The following CACNB1 variants were observed in gnomAD, a reference collection of about 807,000 sequenced individuals.
CACNB1 encodes the protein voltage-dependent L-type calcium channel subunit beta-1.
Under a neutral mutation model 71.6 loss-of-function variants are expected in CACNB1, and 29 were observed. The ratio of observed to expected loss-of-function variants is 0.40; its 90% CI spans 0.30 to 0.55. The LOEUF is 0.55. CACNB1 is among the 20% of genes least tolerant of loss of function. The pLI is 0.38. For missense variants in CACNB1, 623 were observed against 801.8 expected, an observed-to-expected ratio of 0.78 and a Z score of 2.69; for synonymous variants, 300 against 319.6, an observed-to-expected ratio of 0.94 and a Z score of 0.65.
intron 8 of CACNB1, 46 bp downstream of exon 8, chr17:39,184,738 T>G (rs772221286): frequency 7.7e-7 from 1 of 1,300,202 alleles, no homozygotes; most frequent in South Asian, 1.2e-5. Context: ...GGTCTGAAGA[T>G]CTTTCTAAGG....
chr17:39,184,211 AG>A, intron 9 of CACNB1, 71 bp from the exon 10 acceptor site: 1 of 1,308,196 alleles, frequency 7.6e-7, no homozygotes, highest in South Asian at 1.2e-5. Context: ...CCCCAGTTCC[AG>A]GCCCGCCTTC....
intron 1 of CACNB1, among the ~76,000 whole-genome samples, chr17:39,196,979 C>T (rs1298885069): frequency 6.6e-6 from 1 of 152,110 alleles, no homozygotes; most frequent in Non-Finnish European, 1.5e-5. Flanking sequence ...CCTCGGCCAC[C>T]TCCTCGTGCC....
At chr17:39,177,289 G>A in intron 13 of CACNB1, 61 bp downstream of exon 13, 1 of 1,610,340 alleles carries the variant, frequency 6.2e-7, no homozygotes, top group Non-Finnish European at 8.5e-7. Context: ...CTGCCCCGCT[G>A]TGAGGACTCC....
Position 39,184,385 on chromosome 17 carries a change from TG to T in CACNB1, c.730-3del. ...AGCTTTCTGCATCATGTCTGTAACC[TG>T]GGGGTGGGGGTTTGTGGGGAGGGAG... is the stretch of plus-strand genomic sequence containing the variant. On this transcript the variant is annotated splice_region_variant and splice_polypyrimidine_tract_variant and intron_variant, in intron 8 of 13. Transcript: ENST00000394303. 3.6e-6 allele frequency: 2 copies of T among 561,790 alleles called. No homozygotes were observed. The highest frequency in any genetic ancestry group is 1.6e-5 in the South Asian group (1 of 64,246). The allele number at this position is 561,790 out of a possible 1,614,324, so 34.8% of individuals were successfully genotyped here.
intron 3 of CACNB1, among the ~76,000 whole-genome samples, chr17:39,187,955 G>A (rs2045981079): frequency 6.6e-6 from 1 of 152,088 alleles, no homozygotes; most frequent in Non-Finnish European, 1.5e-5. Flanking sequence ...GGAGGTTGCA[G>A]TGAGCCAAGA....
At chr17:39,179,253 C>T (rs2045678051) in intron 11 of CACNB1, among the ~76,000 whole-genome samples, 1 of 133,468 alleles carries the variant, frequency 7.5e-6, no homozygotes, top group Non-Finnish European at 1.5e-5. Context: ...TGCACTCCAG[C>T]TTGGACAACA....
intron 11 of CACNB1, among the ~76,000 whole-genome samples, chr17:39,182,042 T>C (rs148158884): frequency 9.0e-4 from 137 of 151,956 alleles, no homozygotes; most frequent in Middle Eastern, 3.4e-3. Flanking sequence ...GCACCTGTAG[T>C]CCCAGCTACT....
chr17:39,187,019 T>G (rs2045958235), intron 4 of CACNB1, 90 bp from the exon 5 acceptor site: 2 of 1,428,662 alleles, frequency 1.4e-6, no homozygotes, highest in East Asian at 4.7e-5. Context: ...ACGCCCAGAC[T>G]CACCTCCCAG....
In CACNB1 at chr17:39,173,786, C is replaced by T. The variant is rs1161030441; in HGVS notation, c.*1407G>A. On this transcript the variant is annotated 3_prime_UTR_variant, in exon 14 of 14. Coordinates refer to ENST00000394303, the MANE Select transcript of CACNB1 (RefSeq NM_000723.5). ...TATGTGGCGAGGACAAAGAAGCAGG[C>T]TTGGGAGGCAGCCACAAAGGACAGG... 2 of 152,470 alleles carry T rather than the reference C, an allele frequency of 1.3e-5. No homozygotes were observed. Among genetic ancestry groups the T allele is most frequent in the African/African-American group, 2.4e-5 (1 of 41,414 alleles). The allele number at this position is 152,470 out of a possible 1,614,324, so 9.4% of individuals were successfully genotyped here.
intron 9 of CACNB1, 59 bp from the exon 10 acceptor site, chr17:39,184,199 C>A: frequency 7.5e-7 from 1 of 1,340,822 alleles, no homozygotes; most frequent in South Asian, 1.2e-5. Flanking sequence ...GCCCTGCCCA[C>A]TCCCCAGTTC....
At chr17:39,180,977 AT>A (rs1056790230) in intron 11 of CACNB1, among the ~76,000 whole-genome samples, 1 of 152,182 alleles carries the variant, frequency 6.6e-6, no homozygotes, top group Non-Finnish European at 1.5e-5. Flanking sequence ...AAAAAATAAG[AT>A]TTTTTTGATA....
chr17:39,177,239 C>T (rs768997889), intron 13 of CACNB1, 111 bp downstream of exon 13: 11 of 1,574,224 alleles, frequency 7.0e-6, no homozygotes, highest in African/African-American at 6.7e-5. Flanking sequence ...ACGGGCAGGG[C>T]GCCCACTACA....
At chr17:39,193,157 TACAC>T (rs890318396) in intron 2 of CACNB1, 5 of 266,100 alleles carry the variant, frequency 1.9e-5, no homozygotes, top group East Asian at 1.3e-4. Flanking sequence ...CGTGTACACA[TACAC>T]ACACAGTTAC....
chr17:39,183,232 C>T (rs949516542), intron 11 of CACNB1, among the ~76,000 whole-genome samples: 5 of 151,822 alleles, frequency 3.3e-5, no homozygotes, highest in Non-Finnish European at 7.4e-5. Context: ...CGTGGGAGGC[C>T]GAGGTGGGTG....
Position 39,175,620 on chromosome 17 carries a change from C to A in CACNB1, c.1370G>T (p.Arg457Leu). 2 of 1,582,792 alleles carry A rather than the reference C, an allele frequency of 1.3e-6. No individual in the cohort carries two copies. Among genetic ancestry groups the A allele is most frequent in the South Asian group, 1.2e-5 (1 of 86,594 alleles). Reference protein sequence around the residue: ...YLASGDQPLERATGEHASMHE... With the variant: ...YLASGDQPLELATGEHASMHE... ...CATGCTGGCGTGCTCCCCGGTGGCC[C>A]GTTCCAGTGGCTGGTCCCCGGAAGC... Residue 457 changes from arginine to leucine, a missense_variant, in exon 14 of 14, where the codon CGG (arginine) becomes CTG (leucine). Coordinates refer to ENST00000394303, the MANE Select transcript of CACNB1 (RefSeq NM_000723.5). The surrounding 1 kb of genome is among the most constrained non-coding windows in gnomAD (Gnocchi z 4.7).
chr17:39,193,200 G>A (rs187421502), intron 2 of CACNB1: 5 of 279,420 alleles, frequency 1.8e-5, no homozygotes, highest in South Asian at 8.6e-5. Flanking sequence ...ACATGCAGAC[G>A]CACATGTGCG....
chr17:39,195,846 C>T (rs2046191139), intron 1 of CACNB1, among the ~76,000 whole-genome samples: 1 of 152,176 alleles, frequency 6.6e-6, no homozygotes, highest in African/African-American at 2.4e-5. Flanking sequence ...ACCACATGAG[C>T]CTAGGACACA....
chr17:39,191,548 A>G lies in CACNB1; in HGVS notation c.217T>C (p.Ser73Pro), dbSNP rs765661829. The G allele has an allele frequency of 1.2e-6, 2 of 1,610,970 alleles. No individual in the cohort carries two copies. The highest frequency in any genetic ancestry group is 1.7e-6 in the Non-Finnish European group (2 of 1,178,930). Residue 73 changes from serine to proline, a missense_variant, in exon 3 of 14, where the codon TCT becomes CCT. Transcript: ENST00000394303. ...AAGGCTTCCCGGTCCTCCTCCAGAG[A>G]TACATCAGAGTCTGATGGACGGCTG... Reference protein sequence around the residue: ...YTSRPSDSDVSLEEDREALRK... With the variant: ...YTSRPSDSDVPLEEDREALRK...
intron 13 of CACNB1, 112 bp downstream of exon 13, chr17:39,177,238 G>A: frequency 6.4e-7 from 1 of 1,574,348 alleles, no homozygotes; most frequent in Non-Finnish European, 8.6e-7. Context: ...GACGGGCAGG[G>A]CGCCCACTAC....
Sources: gnomAD v4.1 joint callset for allele counts (sites outside exome capture counted in the v4.1 genomes callset) on GRCh38, gnomAD v4.1.1 for gene constraint, Gnocchi (gnomAD v3.1) non-coding constraint, MANE v1.5 for transcripts, NCBI Gene and HGNC (gene_info 2026-07-23, HGNC 2026-07-21) for gene names.